The following ZNF354A variants were observed in gnomAD, a reference collection of about 807,000 sequenced individuals.
The protein encoded by ZNF354A is epididymis luminal protein 104.
In ZNF354A, 25 loss-of-function variants were observed where a neutral mutation model predicts 53.3. The ratio of observed to expected loss-of-function variants is 0.47; its 90% CI spans 0.34 to 0.66. The LOEUF is 0.66. Among genes scored for constraint, ZNF354A ranks in the 30% least tolerant of loss-of-function variants. The pLI, the probability that ZNF354A is intolerant of heterozygous loss-of-function variation, is 0.01. For synonymous variants in ZNF354A, 228 were observed against 249.0 expected (o/e 0.92, Z 0.79); for missense variants, 586 against 716.8 (o/e 0.82, Z 2.08).
chr5:178,722,758 T>C (rs1765834276), intron 4 of ZNF354A, among the ~76,000 whole-genome samples: 1 of 152,176 alleles, frequency 6.6e-6, no homozygotes, highest in Non-Finnish European at 1.5e-5. Context: ...CAGCTTACAA[T>C]GCAGAGGCAG....
At chr5:178,726,729 G>A (rs988177192) in intron 3 of ZNF354A, among the ~76,000 whole-genome samples, 7 of 152,232 alleles carry the variant, frequency 4.6e-5, no homozygotes, top group Admixed American at 2.0e-4. Context: ...GTTGGGAAAC[G>A]ATGCCTGAAT....
At chr5:178,719,047 C>A (rs1438055762) in intron 4 of ZNF354A, among the ~76,000 whole-genome samples, 2 of 152,204 alleles carry the variant, frequency 1.3e-5, no homozygotes. Flanking sequence ...TGCTCCTGAT[C>A]TTAAGTTATT....
chr5:178,719,272 G>C (rs1034243687), intron 4 of ZNF354A, among the ~76,000 whole-genome samples: 2 of 152,176 alleles, frequency 1.3e-5, no homozygotes, highest in African/African-American at 4.8e-5. Flanking sequence ...AGGAACAGTT[G>C]ATTTCTTCAG....
chr5:178,726,464 AT>A (rs1464763532), intron 3 of ZNF354A, among the ~76,000 whole-genome samples: 2 of 151,266 alleles, frequency 1.3e-5, no homozygotes, highest in East Asian at 2.0e-4. Flanking sequence ...CACCCAGCTA[AT>A]TTTTTTTGTG....
Position 178,712,030 on chromosome 5 carries a change from T to G in ZNF354A, c.*30A>C. On this transcript the variant is annotated 3_prime_UTR_variant, in exon 5 of 5. Transcript: ENST00000335815. ...GATGTATTCTTCGATGAGCTTTGGT[T>G]TAAGGCTTTCACACATACAAATCTA... 6.5e-7 allele frequency: 1 copy of G among 1,541,404 alleles called. No individual in the cohort carries two copies. The highest frequency in any genetic ancestry group is 8.7e-7 in the Non-Finnish European group (1 of 1,148,626).
intron 3 of ZNF354A, 112 bp from the exon 4 acceptor site, chr5:178,725,583 T>TA (rs1441950688): frequency 1.8e-6 from 2 of 1,134,606 alleles, no homozygotes; most frequent in African/African-American, 3.1e-5. Context: ...AGCTTCTGTG[T>TA]AGGGCTTCAG....
chr5:178,730,065 C>A (rs1581752670), intron 1 of ZNF354A, among the ~76,000 whole-genome samples: 1 of 152,082 alleles, frequency 6.6e-6, no homozygotes, highest in East Asian at 1.9e-4. Context: ...CGGGGTTTCA[C>A]CGTGTTAGTC....
intron 3 of ZNF354A, chr5:178,726,078 G>C: frequency 4.6e-6 from 2 of 431,456 alleles, no homozygotes; most frequent in South Asian, 3.2e-5. Context: ...TTCTGACCTT[G>C]TGATCTGCCC....
Position 178,713,172 on chromosome 5 carries a change from G to C in ZNF354A, c.706C>G (p.His236Asp). 3 of 1,614,080 alleles carry C rather than the reference G, an allele frequency of 1.9e-6. No homozygotes were observed. Among genetic ancestry groups the C allele is most frequent in the Non-Finnish European group, 2.5e-6 (3 of 1,180,004 alleles). The change falls in exon 5 of 5, where the codon CAT becomes GAT. Residue 236 changes from histidine (H) to aspartate (D), a missense_variant. This residue lies in a region of ZNF354A where 573 missense variants were observed against 680.1 expected (regional missense o/e 0.84). Transcript: ENST00000335815. ...CACTTAAATAGTTTCTCTCCACTAT[G>C]GTTTTTCTCATGTTTACGAAGGGAT... Reference protein sequence around the residue: ...TSSLRKHEKNHSGEKLFKCKE... With the variant: ...TSSLRKHEKNDSGEKLFKCKE...
chr5:178,726,706 A>C (rs1411591275), intron 3 of ZNF354A, among the ~76,000 whole-genome samples: 3 of 152,242 alleles, frequency 2.0e-5, no homozygotes. Flanking sequence ...GGAGACAAGC[A>C]AACTACAGAA....
chr5:178,714,737 TTATACATACA>T (rs774910978), intron 4 of ZNF354A, among the ~76,000 whole-genome samples: 4 of 152,018 alleles, frequency 2.6e-5, no homozygotes, highest in Non-Finnish European at 5.9e-5. Context: ...TGCACATGTG[TTATACATACA>T]TACACATACA....
intron 2 of ZNF354A, among the ~76,000 whole-genome samples, chr5:178,727,657 T>C (rs1263239137): frequency 6.6e-6 from 1 of 152,256 alleles, no homozygotes. Context: ...AGGCTTTCTA[T>C]GGGCCAAGTA....
In ZNF354A at chr5:178,712,845, G is replaced by C. The variant is rs1765646063; in HGVS notation, c.1033C>G (p.Gln345Glu). The change falls in exon 5 of 5, where the codon CAA becomes GAA. Residue 345 changes from glutamine (Q) to glutamate (E), a missense_variant. Coordinates refer to ENST00000335815, the MANE Select transcript of ZNF354A (RefSeq NM_005649.3). ...SSCSTSLSGC[Q>E]RIHSRKKSYL... ...GACTTCTTTCTAGAATGAATTCTTT[G>C]ACATCCAGAAAGGGATGTGCTGCAA... 1 of 1,613,942 alleles carries C rather than the reference G, an allele frequency of 6.2e-7. No homozygotes were observed. The highest frequency in any genetic ancestry group is 1.3e-5 in the African/African-American group (1 of 74,898).
chr5:178,718,159 T>C (rs1284838460), intron 4 of ZNF354A, among the ~76,000 whole-genome samples: 2 of 152,228 alleles, frequency 1.3e-5, no homozygotes, highest in Non-Finnish European at 2.9e-5. Flanking sequence ...AATCATGTTT[T>C]TCACAGAAGC....
Position 178,712,574 on chromosome 5 carries a change from T to G in ZNF354A, c.1304A>C (p.Glu435Ala), listed in dbSNP as rs763559521. 7 of 1,614,060 alleles carry G rather than the reference T, an allele frequency of 4.3e-6. No individual in the cohort carries two copies. The highest frequency in any genetic ancestry group is 1.3e-5 in the African/African-American group (1 of 74,946). The change falls in exon 5 of 5, where the codon GAG becomes GCG. Residue 435 changes from glutamate (E) to alanine (A), a missense_variant. Glu to Ala is a moderately radical substitution (Grantham distance 107). This residue lies in a region of ZNF354A where 573 missense variants were observed against 680.1 expected (regional missense o/e 0.84). Transcript: ENST00000335815. The part of the protein sequence containing the change: ...LNRHRIIHTG[E>A]KFYNCNECGK... Reference sequence around the variant, plus strand: ...ACATTCATTACAATTATAAAACTTCTCTCCAGTATGAATGATTCGGTGTCT... The same window carrying G: ...ACATTCATTACAATTATAAAACTTCGCTCCAGTATGAATGATTCGGTGTCT...
In ZNF354A at chr5:178,713,299, T is replaced by A. The variant is rs1765655553; in HGVS notation, c.579A>T (p.Gly193=). 6.2e-7 allele frequency: 1 copy of A among 1,614,174 alleles called. No individual in the cohort carries two copies. Among genetic ancestry groups the A allele is most frequent in the Non-Finnish European group, 8.5e-7 (1 of 1,180,026 alleles). The change falls in exon 5 of 5, where the codon GGA becomes GGT. Residue 193 remains glycine (G), a synonymous_variant. Coordinates refer to ENST00000335815, the MANE Select transcript of ZNF354A (RefSeq NM_005649.3). The part of the protein sequence containing the change: ...EKTPPKCEIQ[G]NSLKQNSQLL... The stretch of plus-strand genomic sequence containing the variant: ...ATTGTGAATTCTGTTTGAGGCTGTT[T>A]CCTTGTATTTCACATTTTGGTGGTG...
intron 4 of ZNF354A, among the ~76,000 whole-genome samples, chr5:178,715,258 T>C (rs1422811453): frequency 6.6e-6 from 1 of 152,246 alleles, no homozygotes; most frequent in Non-Finnish European, 1.5e-5. Flanking sequence ...ACAGTCACTT[T>C]CACACATCTA....
rs778848027 is a variant in ZNF354A at position 178,712,769 on chromosome 5, C to A, written c.1109G>T (p.Arg370Leu). ...GNTFKSSSSL[R>L]YHQRIHTGEK... Reference sequence around the variant, plus strand: ...TCCAGTGTGAATTCTCTGATGATAACGAAGGGATGAGCTAGACTTAAAGGT... The same window carrying A: ...TCCAGTGTGAATTCTCTGATGATAAAGAAGGGATGAGCTAGACTTAAAGGT... The change falls in exon 5 of 5, where the codon CGT (arginine) becomes CTT (leucine). Residue 370 changes from arginine (R) to leucine (L), a missense_variant. Arg to Leu is a moderately radical substitution (Grantham distance 102). Transcript: ENST00000335815. 1 of 1,614,018 alleles carries A rather than the reference C, an allele frequency of 6.2e-7. No individual in the cohort carries two copies. The highest frequency in any genetic ancestry group is 1.1e-5 in the South Asian group (1 of 91,068).
rs144050418 is a variant in ZNF354A, at chr5:178,712,524, T to C, written c.1354A>G (p.Thr452Ala). ...TGAATTCGCTCGTGAATAATAAGTGTTGAGTGGGAGCTTAAGGCTTTACCA... is the reference window on the plus strand; with the variant it reads ...TGAATTCGCTCGTGAATAATAAGTGCTGAGTGGGAGCTTAAGGCTTTACCA... Reference protein sequence around the residue: ...ECGKALSSHSTLIIHERIHTG... With the variant: ...ECGKALSSHSALIIHERIHTG... Residue 452 changes from threonine (T) to alanine (A), a missense_variant, in exon 5 of 5, where the codon ACA becomes GCA. Physicochemically the swap from Thr to Ala is moderately conservative, Grantham distance 58. Coordinates refer to ENST00000335815, the MANE Select transcript of ZNF354A (RefSeq NM_005649.3). 3.7e-4 allele frequency: 601 copies of C among 1,614,180 alleles called. 2 individuals carry two copies. Among genetic ancestry groups the C allele is most frequent in the Non-Finnish European group, 4.7e-4 (553 of 1,180,032 alleles).
Sources: allele counts gnomAD v4.1 joint callset (sites outside exome capture counted in the v4.1 genomes callset), GRCh38; gene constraint gnomAD v4.1.1; regional missense constraint gnomAD v4.1.1; transcripts MANE v1.5; gene names NCBI Gene and HGNC (gene_info 2026-07-23, HGNC 2026-07-21).